The following NRXN2 variants were observed in gnomAD, a reference collection of about 807,000 sequenced individuals.
NRXN2 encodes the protein neurexin-2-beta.
A neutral mutation model predicts 128.8 loss-of-function variants in NRXN2; 29 were observed. The observed-to-expected ratio is 0.23, with a 90% CI of 0.17 to 0.31. NRXN2 has a LOEUF of 0.31. Ranked by LOEUF, NRXN2 falls within the 10% of genes least tolerant of loss-of-function variation. The probability of loss-of-function intolerance (pLI) is 1.00; values close to 1 mark genes in which losing one functional copy is unlikely to be tolerated. For synonymous variants in NRXN2, 1,098 were observed against 1,075.2 expected, an observed-to-expected ratio of 1.02 and a Z score of -0.41; for missense variants, 1,881 against 2,452.6, an observed-to-expected ratio of 0.77 and a Z score of 4.92.
chr11:64,712,196 GC>G (rs2056975904), intron 2 of NRXN2, among the ~76,000 whole-genome samples: 2 of 97,868 alleles, frequency 2.0e-5, no homozygotes, highest in African/African-American at 8.4e-5. Context: ...ATGGGGCCCC[GC>G]CCCCTGTCTC....
chr11:64,642,739 A>T, intron 17 of NRXN2: 1 of 1,416,286 alleles, frequency 7.1e-7, no homozygotes, highest in Non-Finnish European at 9.3e-7. Flanking sequence ...AGGCGGCGGC[A>T]GGGGCCCAGC....
Position 64,626,511 on chromosome 11 carries a change from T to A in NRXN2, c.3799A>T (p.Ile1267Phe). Residue 1267 changes from isoleucine (I) to phenylalanine (F), a missense_variant, in exon 20 of 23, where the codon ATC becomes TTC. By Grantham distance (21) the Ile-to-Phe change is conservative. Around this residue, in one of 7 missense-constraint regions of NRXN2, gnomAD observed 390 missense variants for 599.6 expected, o/e 0.65. Transcript: ENST00000265459. ...ACTACTCGACCAAGCCGGTAGGGGA[T>A]TCTCTGTCTAGCAATCGCCAGGCGC... ...NERLAIARQR[I>F]PYRLGRVVDE... 6.2e-7 allele frequency: 1 copy of A among 1,614,148 alleles called. No individual in the cohort carries two copies. The highest frequency in any genetic ancestry group is 8.5e-7 in the Non-Finnish European group (1 of 1,179,996).
chr11:64,688,688 T>A, intron 5 of NRXN2: 2 of 985,346 alleles, frequency 2.0e-6, no homozygotes, highest in Non-Finnish European at 2.4e-6. Flanking sequence ...TAATAGCTGA[T>A]GCTCGTTTAT....
chr11:64,643,318 T>C, intron 17 of NRXN2: 1 of 890,290 alleles, frequency 1.1e-6, no homozygotes, highest in Non-Finnish European at 1.3e-6. Flanking sequence ...CTGCTGCCGC[T>C]GCCGCCCGAC....
At chr11:64,619,054 T>C (rs17146121) in intron 22 of NRXN2, among the ~76,000 whole-genome samples, 18,177 of 152,068 alleles carry the variant, frequency 0.12, 1,434 homozygotes, top group East Asian at 0.3. Flanking sequence ...CTGAATGTCT[T>C]TTCTGGAGCT....
chr11:64,687,575 A>G (rs1167182072), intron 5 of NRXN2, among the ~76,000 whole-genome samples: 3 of 152,216 alleles, frequency 2.0e-5, no homozygotes, highest in Admixed American at 2.0e-4. Context: ...TACTTATGGT[A>G]CCAGCGGGGA....
At chr11:64,629,264 C>G (rs1366947637) in intron 19 of NRXN2, among the ~76,000 whole-genome samples, 1 of 152,162 alleles carries the variant, frequency 6.6e-6, no homozygotes, top group Non-Finnish European at 1.5e-5. Flanking sequence ...ACTGCAATGT[C>G]GCTCAGACTG....
In NRXN2 at chr11:64,622,107, C is replaced by T. The variant is rs915005846; in HGVS notation, c.4173+646G>A. On this transcript the variant is annotated intron_variant, in intron 21 of 22. Coordinates refer to ENST00000265459, the MANE Select transcript of NRXN2 (RefSeq NM_015080.4). The surrounding 1 kb of genome is among the most constrained non-coding windows in gnomAD (Gnocchi z 4.3). ...GTCTGCACTGAGACCCCCTCAGACG[C>T]ACAGACGGAGAGGACACTGAAGCTG... Among the ~76,000 whole-genome samples the T allele has an allele frequency of 6.6e-5, 10 of 152,324 alleles. No individual in the cohort carries two copies. The South Asian group carries it at 2.1e-3, about 32-fold the overall frequency.
At chr11:64,614,622 C>T (rs921843057) in intron 22 of NRXN2, among the ~76,000 whole-genome samples, 5 of 152,234 alleles carry the variant, frequency 3.3e-5, no homozygotes, top group African/African-American at 1.2e-4. Context: ...ACTGCAGGGG[C>T]AGAGAGCCTG....
rs1264577504 is a variant in NRXN2, at chr11:64,685,579, C to T, written c.1152+67G>A. On this transcript the variant is annotated intron_variant, in intron 6 of 22. Transcript: ENST00000265459. Reference sequence around the variant, plus strand: ...CCCTCCACCACAAGCTCCCGGCAGCCCCCTCTCCCAACCCCCATTCTACCC... The same window carrying T: ...CCCTCCACCACAAGCTCCCGGCAGCTCCCTCTCCCAACCCCCATTCTACCC... The T allele has an allele frequency of 5.6e-6, 9 of 1,602,378 alleles. No individual in the cohort carries two copies. The East Asian group carries it at 1.8e-4, about 32-fold the overall frequency.
At chr11:64,702,340 C>T (rs367844452) in intron 2 of NRXN2, among the ~76,000 whole-genome samples, 3 of 151,864 alleles carry the variant, frequency 2.0e-5, no homozygotes, top group Admixed American at 6.5e-5. Context: ...ATGACAATGG[C>T]GGTTTTGTAG....
At chr11:64,664,620 G>GA (rs1446365874) in intron 9 of NRXN2, among the ~76,000 whole-genome samples, 9 of 150,688 alleles carry the variant, frequency 6.0e-5, no homozygotes, top group East Asian at 3.9e-4. Flanking sequence ...AACAAAAATA[G>GA]AAAAAAAAAT....
rs1357060811 is a variant in NRXN2, at chr11:64,620,303, G to C, written c.4243C>G (p.Pro1415Ala). 1 of 1,552,510 alleles carries C rather than the reference G, an allele frequency of 6.4e-7. No individual in the cohort carries two copies. The highest frequency in any genetic ancestry group is 2.0e-5 in the Admixed American group (1 of 51,262). Residue 1415 changes from proline (P) to alanine (A), a missense_variant, in exon 22 of 23, where the codon CCC becomes GCC. Pro to Ala is a conservative substitution (Grantham distance 27, BLOSUM62 -1). Transcript: ENST00000265459. The stretch of plus-strand genomic sequence containing the variant: ...GGGGAAAGGCACTCACCAGTACTGG[G>C]CTCACACTCCTCCAGGTCCTCATCA... ...SDDEDLEECEPSTGGELILPI... is the reference protein window; with the variant it reads ...SDDEDLEECEASTGGELILPI...
intron 22 of NRXN2, among the ~76,000 whole-genome samples, chr11:64,612,022 A>G (rs1367384535): frequency 6.6e-6 from 1 of 151,582 alleles, no homozygotes; most frequent in East Asian, 1.9e-4. Context: ...CACAAGATAA[A>G]AGGCTCTGGA....
In NRXN2 at chr11:64,622,756, G is replaced by A. The variant is rs1358500601; in HGVS notation, c.4170C>T (p.Thr1390=). 4 of 1,607,670 alleles carry A rather than the reference G, an allele frequency of 2.5e-6. No individual in the cohort carries two copies. In the South Asian group the frequency reaches 4.4e-5, roughly 18 times the overall value. ...ACCAGCCAGAGTGGGGCCTCACCTG[G>A]GTGGTGCTGTCCCTCAGTGTGGGGG... ...GRSPTLRDST[T]QNTDDLLVAS... is the part of the protein sequence containing the mutation. The change falls in exon 21 of 23, where the codon ACC becomes ACT. Residue 1390 remains threonine (T), a synonymous_variant. Transcript: ENST00000265459. This position sits in a 1 kb window ranked among gnomAD's most constrained non-coding sequence, Gnocchi z 4.3.
At chr11:64,655,365 CAG>C (rs1266929730) in intron 11 of NRXN2, among the ~76,000 whole-genome samples, 2 of 151,984 alleles carry the variant, frequency 1.3e-5, no homozygotes, top group African/African-American at 4.8e-5. Context: ...AGAGAGAGTG[CAG>C]AGAGAAAAGA....
chr11:64,706,543 C>T (rs185879636), intron 2 of NRXN2, among the ~76,000 whole-genome samples: 48 of 152,176 alleles, frequency 3.2e-4, no homozygotes, highest in African/African-American at 1.1e-3. Context: ...TTTGTGGCTC[C>T]ATTTGCCAAT....
chr11:64,623,107 A>T lies in NRXN2; in HGVS notation c.3848-29T>A, dbSNP rs2042610201. On this transcript the variant is annotated intron_variant, in intron 20 of 22. Transcript: ENST00000265459. The surrounding 1 kb of genome is among the most constrained non-coding windows in gnomAD (Gnocchi z 4.9). ...GCAGGAGTGGAAGGGGGTGACAGAG[A>T]AGGGGCAGGCAGTGAGGGGAGACCA... 3 of 1,581,464 alleles carry T rather than the reference A, an allele frequency of 1.9e-6. No homozygotes were observed. The African/African-American group carries it at 4.0e-5, about 21-fold the overall frequency.
At position 64,693,484 on chromosome 11, in the gene NRXN2, A is replaced by G. The variant is rs549592658; in HGVS notation, c.749-608T>C. Among the ~76,000 whole-genome samples, 125 of 152,246 alleles carry G rather than the reference A, an allele frequency of 8.2e-4. 1 individual carries two copies. The Middle Eastern group carries it at 0.014, about 17-fold the overall frequency. ...GGGCAAGGGGGCCTCCAACCCCCCA[A>G]CACCCCTAATCCCAGTTACCCCTAG... On this transcript the variant is annotated intron_variant, in intron 3 of 22. Coordinates refer to ENST00000265459, the MANE Select transcript of NRXN2 (RefSeq NM_015080.4).
Sources: allele counts gnomAD v4.1 joint callset (sites outside exome capture counted in the v4.1 genomes callset), GRCh38; gene constraint gnomAD v4.1.1; regional missense constraint gnomAD v4.1.1; non-coding constraint Gnocchi (gnomAD v3.1); transcripts MANE v1.5; gene names NCBI Gene and HGNC (gene_info 2026-07-23, HGNC 2026-07-21).